The following ROBO2 variants were observed in gnomAD, a reference collection of about 807,000 sequenced individuals.
The protein encoded by ROBO2 is roundabout guidance receptor 2.
A neutral mutation model predicts 160.8 loss-of-function variants in ROBO2; 53 were observed. The observed-to-expected ratio is 0.33, with a 90% CI of 0.26 to 0.41. The LOEUF is 0.41. Ranked by LOEUF, ROBO2 falls within the 10% of genes least tolerant of loss-of-function variation. The pLI is 1.00. For missense variants in ROBO2, 1,577 were observed against 1,722.4 expected (o/e 0.92, Z 1.49); for synonymous variants, 664 against 611.7 (o/e 1.09, Z -1.26).
intron 1 of ROBO2, among the ~76,000 whole-genome samples, chr3:77,041,110 A>G (rs2064045202): frequency 6.6e-6 from 1 of 152,202 alleles, no homozygotes; most frequent in Non-Finnish European, 1.5e-5. Flanking sequence ...ATAATAAATG[A>G]TTGGGCTCCC....
intron 1 of ROBO2, among the ~76,000 whole-genome samples, chr3:77,094,098 T>C (rs996805006): frequency 6.6e-6 from 1 of 152,162 alleles, no homozygotes; most frequent in Non-Finnish European, 1.5e-5. Context: ...ATTTTCATCA[T>C]CCCTAAAGAA....
At chr3:77,390,877 G>A (rs115220408) in intron 2 of ROBO2, among the ~76,000 whole-genome samples, 1 of 152,090 alleles carries the variant, frequency 6.6e-6, no homozygotes, top group African/African-American at 2.4e-5. Flanking sequence ...CAACAATTCA[G>A]CACATCTCAC....
At chr3:77,542,889 T>A (rs2092536795) in intron 6 of ROBO2, among the ~76,000 whole-genome samples, 1 of 152,196 alleles carries the variant, frequency 6.6e-6, no homozygotes, top group Non-Finnish European at 1.5e-5. Context: ...TACAAAAATG[T>A]CTTTGAACAG....
chr3:76,520,797 A>C (rs996401642), intron 2 of ROBO2, among the ~76,000 whole-genome samples: 1 of 152,078 alleles, frequency 6.6e-6, no homozygotes, highest in African/African-American at 2.4e-5. Flanking sequence ...AAACAAAACA[A>C]ACATTTTAAA....
At chr3:76,736,533 A>G (rs1467465027) in intron 2 of ROBO2, among the ~76,000 whole-genome samples, 1 of 152,208 alleles carries the variant, frequency 6.6e-6, no homozygotes, top group Non-Finnish European at 1.5e-5. Context: ...TTTTTTCACC[A>G]ATAAATGTTT....
intron 2 of ROBO2, among the ~76,000 whole-genome samples, chr3:76,723,106 A>C (rs1197513479): frequency 6.6e-6 from 1 of 152,182 alleles, no homozygotes; most frequent in African/African-American, 2.4e-5. Flanking sequence ...TTCATACATT[A>C]TTCCTTGTGT....
At chr3:76,312,762 T>C (rs970973369) in intron 2 of ROBO2, among the ~76,000 whole-genome samples, 2 of 152,202 alleles carry the variant, frequency 1.3e-5, no homozygotes, top group Non-Finnish European at 2.9e-5. Context: ...ACCTATAGCA[T>C]GTCAAAGTTT....
intron 1 of ROBO2, among the ~76,000 whole-genome samples, chr3:77,081,184 A>G (rs779119751): frequency 2.0e-5 from 3 of 152,208 alleles, no homozygotes; most frequent in Admixed American, 6.5e-5. Context: ...AAAAAAAGTT[A>G]AATGAAATAA....
chr3:76,139,038 G>C (rs2071533973), intron 2 of ROBO2, among the ~76,000 whole-genome samples: 1 of 152,130 alleles, frequency 6.6e-6, no homozygotes, highest in African/African-American at 2.4e-5. Flanking sequence ...AAAGATTTGA[G>C]TTGAAACAGT....
At chr3:77,196,372 A>C (rs1270620723) in intron 2 of ROBO2, among the ~76,000 whole-genome samples, 2 of 151,366 alleles carry the variant, frequency 1.3e-5, no homozygotes, top group Non-Finnish European at 2.9e-5. Flanking sequence ...AAGAACAGAG[A>C]ATTCGCAAAC....
At chr3:76,985,575 GAAAAAAAAAAA>G (rs532632866) in intron 2 of ROBO2, among the ~76,000 whole-genome samples, 100 of 26,376 alleles carry the variant, frequency 3.8e-3, no homozygotes, top group South Asian at 0.024. Flanking sequence ...GACTCCGTCT[GAAAAAAAAAAA>G]AAAAAAAAAA....
intron 2 of ROBO2, among the ~76,000 whole-genome samples, chr3:77,147,393 T>C (rs2077205708): frequency 6.6e-6 from 1 of 152,202 alleles, no homozygotes; most frequent in African/African-American, 2.4e-5. Flanking sequence ...CTTTTCAAAC[T>C]GTAATGTGTT....
At position 76,272,811 on chromosome 3, in the gene ROBO2, AATATG is replaced by A. The variant is rs373323185; in HGVS notation, c.109+335210_109+335214del. On this transcript the variant is annotated intron_variant, in intron 2 of 26. Coordinates refer to the ROBO2 transcript ENST00000487694. ...TAAAATATATATATATAAAATATAT[AATATG>A]TATTTATATATAAAATATATATATT... 7.3e-3 allele frequency among the ~76,000 whole-genome samples: 70 copies of A among 9,544 alleles called. 1 individual carries two copies. Among genetic ancestry groups the A allele is most frequent in the South Asian group, 0.021 (4 of 190 alleles). 6.3% of individuals were successfully genotyped at this position (9,544 alleles called of 152,430 possible). A position where few individuals can be genotyped will look rare whatever the true frequency, so the allele number is the denominator to read the frequency against.
chr3:76,567,814 T>A lies in ROBO2; in HGVS notation c.110-530200T>A, dbSNP rs1392597482. Among the ~76,000 whole-genome samples the A allele has an allele frequency of 2.8e-4, 40 of 142,006 alleles. 2 individuals are homozygous for A. The South Asian group carries it at 2.9e-3, about 10-fold the overall frequency. 93.2% of individuals were successfully genotyped at this position (142,006 alleles called of 152,430 possible). On this transcript the variant is annotated intron_variant, in intron 2 of 26. Transcript: ENST00000487694. ...GTGTGTGTGTATATATATATTTTTT[T>A]TTTTTTTTTGGGGGGGGTTGGACAG... is the stretch of plus-strand genomic sequence containing the variant.
At chr3:76,469,056 AT>A (rs35690220) in intron 2 of ROBO2, among the ~76,000 whole-genome samples, 2 of 151,830 alleles carry the variant, frequency 1.3e-5, no homozygotes, top group East Asian at 1.9e-4. Context: ...CCCAGCAGTC[AT>A]TTTTTTTACT....
intron 2 of ROBO2, among the ~76,000 whole-genome samples, chr3:76,798,913 C>CAAA (rs2063982870): frequency 1.5e-5 from 2 of 132,328 alleles, no homozygotes; most frequent in Non-Finnish European, 3.5e-5. Context: ...ACAACAACAA[C>CAAA]AACAAACCCT....
intron 2 of ROBO2, among the ~76,000 whole-genome samples, chr3:76,823,030 A>G (rs749327766): frequency 2.6e-5 from 4 of 152,024 alleles, no homozygotes; most frequent in African/African-American, 7.2e-5. Flanking sequence ...CAAGTTACCT[A>G]TTTTCTCTGT....
At chr3:76,292,059 T>C (rs1708831093) in intron 2 of ROBO2, among the ~76,000 whole-genome samples, 1 of 152,124 alleles carries the variant, frequency 6.6e-6, no homozygotes, top group South Asian at 2.1e-4. Context: ...GTCCCAAATA[T>C]CTTATTAGTT....
chr3:76,373,241 T>A (rs2076189275), intron 2 of ROBO2, among the ~76,000 whole-genome samples: 1 of 151,942 alleles, frequency 6.6e-6, no homozygotes, highest in South Asian at 2.1e-4. Context: ...GGCTTTTTCC[T>A]CTCCCTGCCT....
Sources: gnomAD v4.1 joint callset for allele counts (sites outside exome capture counted in the v4.1 genomes callset) on GRCh38, gnomAD v4.1.1 for gene constraint, MANE v1.5 for transcripts, NCBI Gene and HGNC (gene_info 2026-07-23, HGNC 2026-07-21) for gene names.